The following NBAS variants were observed in gnomAD, a reference collection of about 807,000 sequenced individuals.
NBAS encodes NAG/BC035112 fusion.
A neutral mutation model predicts 302.5 loss-of-function variants in NBAS; 219 were observed. The observed-to-expected ratio is 0.72, with a 90% CI of 0.65 to 0.81. The LOEUF (loss-of-function observed/expected upper bound fraction) is 0.81, where lower values mean the gene tolerates loss of function less well. NBAS is among the 30% of genes least tolerant of loss of function. The pLI is 0.00. For synonymous variants in NBAS, 1,118 were observed against 1,021.6 expected (o/e 1.09, Z -1.80); for missense variants, 2,932 against 2,841.6 (o/e 1.03, Z -0.72).
At chr2:15,535,301 C>T (rs1663434246) in intron 8 of NBAS, among the ~76,000 whole-genome samples, 1 of 152,074 alleles carries the variant, frequency 6.6e-6, no homozygotes, top group Non-Finnish European at 1.5e-5. Flanking sequence ...GCGGGCAGAT[C>T]ACAACGTCAG....
chr2:15,020,929 T>C, the NBAS span, among the ~76,000 whole-genome samples: 242 of 152,230 alleles, frequency 1.6e-3, 4 homozygotes, highest in African/African-American at 5.4e-3. Context: ...CTGCACTGGG[T>C]GCTGTACAAA....
the NBAS span, among the ~76,000 whole-genome samples, chr2:14,888,997 T>C: frequency 1.3e-5 from 2 of 152,224 alleles, no homozygotes; most frequent in East Asian, 3.8e-4. Context: ...GTGTCCTCTG[T>C]TCGGAACTCC....
At chr2:14,854,678 G>A in the NBAS span, among the ~76,000 whole-genome samples, 5,703 of 152,256 alleles carry the variant, frequency 0.037, 139 homozygotes, top group Non-Finnish European at 0.055. Context: ...GTGCTGTCCT[G>A]TTAGAGCAGA....
downstream of NBAS, among the ~76,000 whole-genome samples, chr2:15,165,941 C>G (rs1323124815): frequency 1.3e-5 from 2 of 152,222 alleles, no homozygotes; most frequent in African/African-American, 4.8e-5. Flanking sequence ...AAAAGACCAG[C>G]ACGCCTTAGT....
chr2:14,816,400 C>G, the NBAS span, among the ~76,000 whole-genome samples: 1 of 152,194 alleles, frequency 6.6e-6, no homozygotes, highest in Admixed American at 6.5e-5. Flanking sequence ...TCAGGTGGAA[C>G]AGTTTCATCC....
intron 26 of NBAS, among the ~76,000 whole-genome samples, chr2:15,398,392 A>G (rs1455721663): frequency 6.6e-6 from 1 of 152,108 alleles, no homozygotes; most frequent in East Asian, 1.9e-4. Context: ...TGGCCTTCCA[A>G]AGTGCTGGGA....
the NBAS span, among the ~76,000 whole-genome samples, chr2:15,096,690 A>G: frequency 6.6e-6 from 1 of 152,176 alleles, no homozygotes. Context: ...GGAGCAGGCA[A>G]CTGAGATGGA....
At chr2:15,448,055 C>A (rs909115495) in intron 21 of NBAS, among the ~76,000 whole-genome samples, 3 of 152,126 alleles carry the variant, frequency 2.0e-5, no homozygotes, top group Non-Finnish European at 2.9e-5. Flanking sequence ...GGTGCTGATC[C>A]CATCATGGGA....
At chr2:15,084,723 ACTC>A in the NBAS span, among the ~76,000 whole-genome samples, 1 of 150,688 alleles carries the variant, frequency 6.6e-6, no homozygotes, top group African/African-American at 2.5e-5. Context: ...CACGCTTGCC[ACTC>A]CTCCTCATCT....
chr2:15,057,054 T>TCCTGACCTCAGGTGATCTGCCCC, the NBAS span, among the ~76,000 whole-genome samples: 1 of 152,008 alleles, frequency 6.6e-6, no homozygotes, highest in Non-Finnish European at 1.5e-5. Context: ...GGTCTTGAAC[T>TCCTGACCTCAGGTGATCTGCCCC]CCTGACCTCA....
chr2:15,513,581 A>C (rs1173587926), intron 9 of NBAS, among the ~76,000 whole-genome samples: 1 of 152,106 alleles, frequency 6.6e-6, no homozygotes, highest in Non-Finnish European at 1.5e-5. Flanking sequence ...CTAGACAGTG[A>C]GAAAATACAA....
the NBAS span, among the ~76,000 whole-genome samples, chr2:14,898,725 C>T: frequency 6.6e-6 from 1 of 152,116 alleles, no homozygotes; most frequent in Non-Finnish European, 1.5e-5. Flanking sequence ...CATATAAGAC[C>T]GAACTTGTTC....
chr2:15,499,744 A>AGG lies in NBAS; in HGVS notation c.954+4399_954+4400dup, dbSNP rs549918285. 4.3e-3 allele frequency among the ~76,000 whole-genome samples: 652 copies of AGG among 152,372 alleles called. 1 individual carries two copies. Among genetic ancestry groups the AGG allele is most frequent in the Middle Eastern group, 0.014 (4 of 294 alleles). On this transcript the variant is annotated intron_variant, in intron 11 of 51. Transcript: ENST00000281513. The stretch of plus-strand genomic sequence containing the variant: ...GTTTACCTATATAACAAACCTGCAC[A>AGG]GGTACCCCTGAACTTACAATAAAAG...
intron 35 of NBAS, among the ~76,000 whole-genome samples, chr2:15,343,989 T>A (rs1489453871): frequency 3.5e-5 from 5 of 140,906 alleles, no homozygotes; most frequent in Admixed American, 7.0e-5. Flanking sequence ...AACACTTGAC[T>A]GCAAGATGTT....
the NBAS span, among the ~76,000 whole-genome samples, chr2:15,149,556 A>G: frequency 4.5e-3 from 683 of 152,072 alleles, 8 homozygotes; most frequent in African/African-American, 0.016. Flanking sequence ...CATGATCACA[A>G]CTCACTGCAG....
At chr2:14,838,315 A>T in the NBAS span, among the ~76,000 whole-genome samples, 1 of 151,668 alleles carries the variant, frequency 6.6e-6, no homozygotes, top group Non-Finnish European at 1.5e-5. Context: ...TTTTCATATC[A>T]CTATGTGTTT....
At position 15,215,625 on chromosome 2, in the gene NBAS, A is replaced by C. The variant is rs563395940; in HGVS notation, c.6432+3148T>G. Among the ~76,000 whole-genome samples, 15 of 152,328 alleles carry C rather than the reference A, an allele frequency of 9.8e-5. No individual in the cohort carries two copies. In the South Asian group the frequency reaches 3.1e-3, roughly 32 times the overall value. ...AAGGGGATAGAGAGAAAATGAAAAA[A>C]ACAAGAGCTCATACAGTCAATACTT... On this transcript the variant is annotated intron_variant, in intron 48 of 51. Transcript: ENST00000281513.
the NBAS span, among the ~76,000 whole-genome samples, chr2:15,035,241 T>C: frequency 1.3e-5 from 2 of 152,082 alleles, no homozygotes; most frequent in East Asian, 3.9e-4. Flanking sequence ...GATTGCTGGG[T>C]TAAAAGTGTG....
At chr2:15,373,819 T>A (rs112066351) in intron 31 of NBAS, among the ~76,000 whole-genome samples, 4 of 152,226 alleles carry the variant, frequency 2.6e-5, no homozygotes, top group African/African-American at 9.6e-5. Context: ...TCTCAAATAT[T>A]TCCAGACTTA....
Sources: allele counts gnomAD v4.1 joint callset (sites outside exome capture counted in the v4.1 genomes callset), GRCh38; gene constraint gnomAD v4.1.1; transcripts MANE v1.5; gene names NCBI Gene and HGNC (gene_info 2026-07-23, HGNC 2026-07-21).